Variants in PLPPR1 observed in about 807,000 individuals in gnomAD.
The protein encoded by PLPPR1 is phospholipid phosphatase related 1.
A neutral mutation model predicts 33.1 loss-of-function variants in PLPPR1; 10 were observed. The ratio of observed to expected loss-of-function variants is 0.30; its 90% confidence interval spans 0.19 to 0.51. The LOEUF (loss-of-function observed/expected upper bound fraction) is 0.51, where lower values mean the gene tolerates loss of function less well. PLPPR1 is among the 20% of genes least tolerant of loss of function. PLPPR1 has a pLI of 0.97. For synonymous variants in PLPPR1, 151 were observed against 151.0 expected, an observed-to-expected ratio of 1.00 and a Z score of 0.00; for missense variants, 304 against 408.1, an observed-to-expected ratio of 0.74 and a Z score of 2.20.
intron 4 of PLPPR1, among the ~76,000 whole-genome samples, chr9:101,307,497 G>T (rs559519481): frequency 7.2e-5 from 11 of 152,276 alleles, no homozygotes; most frequent in African/African-American, 2.6e-4. Flanking sequence ...GTACCTGGGG[G>T]TGAAAACTGC....
chr9:101,099,776 G>C (rs747935896), intron 1 of PLPPR1, among the ~76,000 whole-genome samples: 2 of 152,044 alleles, frequency 1.3e-5, no homozygotes, highest in Non-Finnish European at 2.9e-5. Flanking sequence ...AGAAGTCCTG[G>C]AACAACTCCC....
Position 101,322,884 on chromosome 9 carries a change from G to A in PLPPR1, c.946-1141G>A, listed in dbSNP as rs565264736. ...ACATGAAACATTATGAAAATGCATC[G>A]TATACAAGACCATGATACAAGTCTC... On this transcript the variant is annotated intron_variant, in intron 7 of 7. Coordinates refer to ENST00000374874, the MANE Select transcript of PLPPR1 (RefSeq NM_207299.2). 5.3e-4 allele frequency among the ~76,000 whole-genome samples: 80 copies of A among 152,074 alleles called. 1 individual carries two copies. Among genetic ancestry groups the A allele is most frequent in the Admixed American group, 2.7e-3 (41 of 15,274 alleles).
intron 2 of PLPPR1, among the ~76,000 whole-genome samples, chr9:101,186,164 A>G (rs1164721695): frequency 1.3e-5 from 2 of 151,506 alleles, no homozygotes; most frequent in African/African-American, 4.8e-5. Flanking sequence ...CTCCTTTTGT[A>G]CTCTACCTCT....
chr9:101,096,068 A>G (rs748034050), intron 1 of PLPPR1, among the ~76,000 whole-genome samples: 5 of 152,104 alleles, frequency 3.3e-5, no homozygotes, highest in Admixed American at 6.6e-5. Context: ...TTGCTGGAAC[A>G]ATTTTCTTCA....
At chr9:101,117,497 T>G (rs1180791314) in intron 1 of PLPPR1, among the ~76,000 whole-genome samples, 1 of 152,212 alleles carries the variant, frequency 6.6e-6, no homozygotes, top group Non-Finnish European at 1.5e-5. Context: ...CCAGAAATTG[T>G]TCACCCTTTT....
At chr9:101,317,858 T>G (rs571054116) in intron 7 of PLPPR1, among the ~76,000 whole-genome samples, 1 of 152,360 alleles carries the variant, frequency 6.6e-6, no homozygotes, top group Admixed American at 6.5e-5. Flanking sequence ...AAAGGTTGTG[T>G]TACACACAGT....
intron 2 of PLPPR1, among the ~76,000 whole-genome samples, chr9:101,220,506 T>C (rs761092154): frequency 7.9e-5 from 12 of 152,186 alleles, no homozygotes; most frequent in Non-Finnish European, 1.6e-4. Context: ...TAAGGCTTGA[T>C]CCAGCAGTAC....
At chr9:101,192,056 C>T (rs755985228) in intron 2 of PLPPR1, among the ~76,000 whole-genome samples, 3 of 152,122 alleles carry the variant, frequency 2.0e-5, no homozygotes, top group Non-Finnish European at 2.9e-5. Context: ...TTGATGATTT[C>T]GAGTGTCTTT....
intron 2 of PLPPR1, among the ~76,000 whole-genome samples, chr9:101,217,632 A>T (rs1826829319): frequency 6.6e-6 from 1 of 152,254 alleles, no homozygotes; most frequent in South Asian, 2.1e-4. Flanking sequence ...TACATAATAC[A>T]TAAATGAATG....
At chr9:101,224,627 T>G (rs1276516893) in intron 2 of PLPPR1, among the ~76,000 whole-genome samples, 1 of 152,164 alleles carries the variant, frequency 6.6e-6, no homozygotes, top group Non-Finnish European at 1.5e-5. Context: ...CAGCAGGTCT[T>G]CAAATAACAT....
intron 4 of PLPPR1, among the ~76,000 whole-genome samples, chr9:101,293,170 A>G (rs2118927268): frequency 6.6e-6 from 1 of 152,012 alleles, no homozygotes; most frequent in South Asian, 2.1e-4. Context: ...CTGATAAAAC[A>G]GACTGTAAAC....
rs546066344 is a variant in PLPPR1, at chr9:101,218,735, T to C, written c.63+33178T>C. Among the ~76,000 whole-genome samples the C allele has an allele frequency of 6.6e-5, 10 of 152,340 alleles. No individual in the cohort carries two copies. In the South Asian group the frequency reaches 1.9e-3, roughly 28 times the overall value. On this transcript the variant is annotated intron_variant, in intron 2 of 7. Coordinates refer to ENST00000374874, the MANE Select transcript of PLPPR1 (RefSeq NM_207299.2). The stretch of plus-strand genomic sequence containing the variant: ...TGCAGTTAAAGAAACTTCTAACAGC[T>C]GTCTTTTAAAATGTAATGATTAAGA...
chr9:101,209,344 T>C (rs1455686136), intron 2 of PLPPR1, among the ~76,000 whole-genome samples: 1 of 152,206 alleles, frequency 6.6e-6, no homozygotes, highest in Non-Finnish European at 1.5e-5. Flanking sequence ...CTCTGTGAAT[T>C]TTTCCCGTCT....
intron 2 of PLPPR1, among the ~76,000 whole-genome samples, chr9:101,232,760 G>A (rs1827217310): frequency 6.6e-6 from 1 of 151,906 alleles, no homozygotes. Context: ...CCCTAGCTAT[G>A]AGGTCTTGGG....
At chr9:101,044,655 C>T (rs184077754) in intron 1 of PLPPR1, among the ~76,000 whole-genome samples, 162 of 152,262 alleles carry the variant, frequency 1.1e-3, no homozygotes, top group African/African-American at 3.6e-3. Flanking sequence ...GATGAAGTAA[C>T]TCTTCCAGCA....
chr9:101,137,854 G>T (rs141958166), intron 1 of PLPPR1, among the ~76,000 whole-genome samples: 129 of 152,304 alleles, frequency 8.5e-4, no homozygotes, highest in Middle Eastern at 6.8e-3. Flanking sequence ...AGCCCTGACT[G>T]TACTGTCATA....
chr9:101,043,967 A>C (rs2118426660), intron 1 of PLPPR1, among the ~76,000 whole-genome samples: 1 of 152,278 alleles, frequency 6.6e-6, no homozygotes, highest in South Asian at 2.1e-4. Context: ...AGATTTCATG[A>C]CCAAGAACCC....
intron 1 of PLPPR1, among the ~76,000 whole-genome samples, chr9:101,156,699 T>C (rs990296895): frequency 4.7e-5 from 7 of 150,420 alleles, no homozygotes; most frequent in Admixed American, 1.3e-4. Flanking sequence ...TTCTGTCTTA[T>C]AGGGTTTGGG....
chr9:101,219,185 C>T (rs1001808281), intron 2 of PLPPR1, among the ~76,000 whole-genome samples: 4 of 152,176 alleles, frequency 2.6e-5, no homozygotes, highest in African/African-American at 9.7e-5. Flanking sequence ...TTTGTCCTCA[C>T]CTCTCACTGT....
Sources: gnomAD v4.1 joint callset for allele counts (sites outside exome capture counted in the v4.1 genomes callset) on GRCh38, gnomAD v4.1.1 for gene constraint, MANE v1.5 for transcripts, NCBI Gene and HGNC (gene_info 2026-07-23, HGNC 2026-07-21) for gene names.